Variants in ANTXR1 observed in about 807,000 individuals in gnomAD.
ANTXR1 encodes the protein ANTXR cell adhesion molecule 1, also known as anthrax toxin receptor 1.
Under a neutral mutation model 78.1 loss-of-function variants are expected in ANTXR1, and 19 were observed. The ratio of observed to expected loss-of-function variants is 0.24; its 90% CI spans 0.17 to 0.36. The LOEUF (loss-of-function observed/expected upper bound fraction) is 0.36, where lower values mean the gene tolerates loss of function less well. ANTXR1 is among the 10% of genes least tolerant of loss of function. ANTXR1 has a pLI of 1.00. For synonymous variants in ANTXR1, 273 were observed against 260.5 expected, an observed-to-expected ratio of 1.05 and a Z score of -0.46; for missense variants, 518 against 718.6, an observed-to-expected ratio of 0.72 and a Z score of 3.19.
At chr2:69,207,865 T>C (rs776893584) in intron 17 of ANTXR1, among the ~76,000 whole-genome samples, 6 of 152,182 alleles carry the variant, frequency 3.9e-5, no homozygotes, top group African/African-American at 4.8e-5. Flanking sequence ...CAGATCTTAG[T>C]GGAGACATAG....
At position 69,153,146 on chromosome 2, in the gene ANTXR1, C is replaced by T. The variant is rs543342277; in HGVS notation, c.1047+882C>T. The stretch of plus-strand genomic sequence containing the variant: ...CACTGCTCCACTGCCATGGCATCTT[C>T]ATTTCCTGTATTTTAGTTCTTCCAT... On this transcript the variant is annotated intron_variant, in intron 13 of 17. Transcript: ENST00000303714. 2.8e-4 allele frequency among the ~76,000 whole-genome samples: 42 copies of T among 152,320 alleles called. No individual in the cohort carries two copies. In the Middle Eastern group the frequency reaches 0.02, roughly 74 times the overall value.
At chr2:69,196,012 A>G (rs1266680847) in intron 17 of ANTXR1, among the ~76,000 whole-genome samples, 1 of 152,256 alleles carries the variant, frequency 6.6e-6, no homozygotes, top group East Asian at 1.9e-4. Context: ...TATCATTAAT[A>G]AGACAGAAGA....
intron 7 of ANTXR1, among the ~76,000 whole-genome samples, chr2:69,076,869 G>T (rs1052937398): frequency 3.3e-5 from 5 of 152,216 alleles, no homozygotes; most frequent in Non-Finnish European, 7.3e-5. Flanking sequence ...CCCTACATCG[G>T]CTTCTCCTGG....
chr2:69,176,310 C>A lies in ANTXR1; in HGVS notation c.1090-5476C>A, dbSNP rs1370468159. Reference sequence around the variant, plus strand: ...TAATGGTGCCATGACATGTGAAATGCGGCTCAGAATGGTGAAATCTTAAAT... The same window carrying A: ...TAATGGTGCCATGACATGTGAAATGAGGCTCAGAATGGTGAAATCTTAAAT... On this transcript the variant is annotated intron_variant, in intron 14 of 17. Coordinates refer to ENST00000303714, the MANE Select transcript of ANTXR1 (RefSeq NM_032208.3). Among the ~76,000 whole-genome samples, 5 of 152,178 alleles carry A rather than the reference C, an allele frequency of 3.3e-5. No individual in the cohort carries two copies. In the South Asian group the frequency reaches 8.3e-4, roughly 25 times the overall value.
chr2:69,027,262 G>A lies in ANTXR1; in HGVS notation c.153-12782G>A, dbSNP rs975862883. On this transcript the variant is annotated intron_variant, in intron 1 of 17. Transcript: ENST00000303714. Reference sequence around the variant, plus strand: ...CTCCATGACTGTGATCCTGTCCAGCGCTGCTGAGTCCTCCCGCCAGATCGC... The same window carrying A: ...CTCCATGACTGTGATCCTGTCCAGCACTGCTGAGTCCTCCCGCCAGATCGC... Among the ~76,000 whole-genome samples, 8 of 152,148 alleles carry A rather than the reference G, an allele frequency of 5.3e-5. No individual in the cohort carries two copies. The East Asian group carries it at 1.3e-3, about 26-fold the overall frequency.
chr2:69,097,193 A>G lies in ANTXR1; in HGVS notation c.704-5649A>G, dbSNP rs550062461. Among the ~76,000 whole-genome samples, 22 of 152,332 alleles carry G rather than the reference A, an allele frequency of 1.4e-4. 1 individual carries two copies. The South Asian group carries it at 4.1e-3, about 29-fold the overall frequency. ...TGTGGTCCCACTCAGTTGGCCTCCA[A>G]CTTCCACAGTTCACAATGTGCTATG... On this transcript the variant is annotated intron_variant, in intron 9 of 17. Transcript: ENST00000303714.
chr2:69,057,471 A>T (rs1164716296), intron 3 of ANTXR1, among the ~76,000 whole-genome samples: 1 of 152,166 alleles, frequency 6.6e-6, no homozygotes, highest in Non-Finnish European at 1.5e-5. Flanking sequence ...TATATCTGTT[A>T]TGGTGATCTG....
At chr2:69,177,197 T>C (rs1674145707) in intron 14 of ANTXR1, among the ~76,000 whole-genome samples, 1 of 152,212 alleles carries the variant, frequency 6.6e-6, no homozygotes, top group Non-Finnish European at 1.5e-5. Context: ...CGGGAGTTCT[T>C]GGCAGAATAG....
intron 12 of ANTXR1, 110 bp downstream of exon 12, chr2:69,124,753 C>T (rs962036979): frequency 3.5e-6 from 4 of 1,137,496 alleles, no homozygotes; most frequent in African/African-American, 3.1e-5. Flanking sequence ...TTTGGTTCTT[C>T]GTTCTGCTTG....
chr2:69,176,581 A>G (rs1324212945), intron 14 of ANTXR1, among the ~76,000 whole-genome samples: 2 of 152,192 alleles, frequency 1.3e-5, no homozygotes, highest in African/African-American at 2.4e-5. Context: ...TCACTCCTCT[A>G]TAAATGTAAA....
rs76138678 is a variant in ANTXR1, at chr2:69,197,406, T to C, written c.1434+3991T>C. On this transcript the variant is annotated intron_variant, in intron 17 of 17. Transcript: ENST00000303714. ...TAGAAAGGCAAGCCTTTCCATTTCA[T>C]ACGCTACTTACCCCAGATTCCTTCA... Among the ~76,000 whole-genome samples the C allele has an allele frequency of 3.4e-3, 511 of 152,246 alleles. 3 individuals are homozygous for C. The highest frequency in any genetic ancestry group is 0.012 in the African/African-American group (487 of 41,542).
intron 12 of ANTXR1, among the ~76,000 whole-genome samples, chr2:69,133,433 A>T (rs1230728321): frequency 6.6e-6 from 1 of 152,230 alleles, no homozygotes; most frequent in Non-Finnish European, 1.5e-5. Flanking sequence ...ACCTGGAAGA[A>T]TGAGGCAAAA....
intron 1 of ANTXR1, among the ~76,000 whole-genome samples, chr2:69,039,066 T>C (rs1404234071): frequency 3.3e-5 from 5 of 152,288 alleles, no homozygotes; most frequent in Non-Finnish European, 7.4e-5. Flanking sequence ...ATGTTTGCAA[T>C]ACACAATGTC....
intron 13 of ANTXR1, among the ~76,000 whole-genome samples, 165 bp downstream of exon 13, chr2:69,152,429 AC>A (rs1673422718): frequency 6.6e-6 from 1 of 152,186 alleles, no homozygotes; most frequent in Non-Finnish European, 1.5e-5. Context: ...GATCAATGGA[AC>A]CATGAGTCAC....
intron 17 of ANTXR1, among the ~76,000 whole-genome samples, chr2:69,240,718 T>A (rs1032571783): frequency 1.3e-5 from 2 of 152,188 alleles, no homozygotes; most frequent in East Asian, 3.8e-4. Flanking sequence ...AGAGGATGAG[T>A]TCCTGAGGCA....
chr2:69,226,460 G>GCCT (rs1241418293), intron 17 of ANTXR1, among the ~76,000 whole-genome samples: 1 of 152,250 alleles, frequency 6.6e-6, no homozygotes, highest in East Asian at 1.9e-4. Flanking sequence ...AGTTCCAAAG[G>GCCT]CCTCATCAAG....
At chr2:69,072,996 GAGCC>G in intron 5 of ANTXR1, 22 bp from the exon 6 acceptor site, 1 of 1,611,486 alleles carries the variant, frequency 6.2e-7, no homozygotes, top group East Asian at 2.2e-5. Flanking sequence ...AGGGTGGACT[GAGCC>G]AGTCTGTATT....
At chr2:69,030,860 A>G (rs965890332) in intron 1 of ANTXR1, among the ~76,000 whole-genome samples, 1 of 152,212 alleles carries the variant, frequency 6.6e-6, no homozygotes, top group Non-Finnish European at 1.5e-5. Flanking sequence ...ACAGATTTGT[A>G]TATTATCTTG....
chr2:69,245,425 G>A lies in ANTXR1; in HGVS notation c.1635G>A (p.Gln545=), dbSNP rs1187015064. The change falls in exon 18 of 18, where the codon CAG becomes CAA. Residue 545 remains glutamine (Q), a synonymous_variant. Coordinates refer to ENST00000303714, the MANE Select transcript of ANTXR1 (RefSeq NM_032208.3). Reference sequence around the variant, plus strand: ...CTTCCACCCTTCCCCCTCCTCCCCAGGCTCCACCTCCCAACAGGGCACCTC... The same window carrying A: ...CTTCCACCCTTCCCCCTCCTCCCCAAGCTCCACCTCCCAACAGGGCACCTC... ...SPPSTLPPPP[Q]APPPNRAPPP... 3 of 1,450,040 alleles carry A rather than the reference G, an allele frequency of 2.1e-6. No individual in the cohort carries two copies. The highest frequency in any genetic ancestry group is 1.9e-5 in the Admixed American group (1 of 52,180). The allele number at this position is 1,450,040 out of a possible 1,614,324, so 89.8% of individuals were successfully genotyped here.
Sources: allele counts gnomAD v4.1 joint callset (sites outside exome capture counted in the v4.1 genomes callset), GRCh38; gene constraint gnomAD v4.1.1; transcripts MANE v1.5; gene names NCBI Gene and HGNC (gene_info 2026-07-23, HGNC 2026-07-21).